The following GRK5 variants were observed in gnomAD, a reference collection of about 807,000 sequenced individuals.
GRK5 encodes the protein G protein-coupled receptor kinase 5, also known as g protein-coupled receptor kinase GRK5.
In GRK5, 40 loss-of-function variants were observed where a neutral mutation model predicts 78.4. The observed-to-expected ratio is 0.51, with a 90% confidence interval of 0.40 to 0.66. The LOEUF is 0.66. GRK5 is among the 30% of genes least tolerant of loss of function. The probability of loss-of-function intolerance (pLI) is 0.00; values close to 1 mark genes in which losing one functional copy is unlikely to be tolerated. For synonymous variants in GRK5, 289 were observed against 296.8 expected (o/e 0.97, Z 0.27); for missense variants, 598 against 759.9 (o/e 0.79, Z 2.50).
At chr10:119,451,104 C>A (rs1370181374) in intron 13 of GRK5, among the ~76,000 whole-genome samples, 1 of 96,474 alleles carries the variant, frequency 1.0e-5, no homozygotes, top group South Asian at 3.9e-4. Flanking sequence ...AGCCCCCCAC[C>A]GTCGTCCCTG....
intron 1 of GRK5, among the ~76,000 whole-genome samples, chr10:119,224,754 TCTC>T (rs1279305952): frequency 6.6e-6 from 1 of 152,154 alleles, no homozygotes; most frequent in African/African-American, 2.4e-5. Flanking sequence ...TATGGTATCT[TCTC>T]CTGCTGTGCA....
chr10:119,362,901 T>C (rs539283497), intron 2 of GRK5, among the ~76,000 whole-genome samples: 1 of 151,760 alleles, frequency 6.6e-6, no homozygotes, highest in African/African-American at 2.4e-5. Context: ...TTTAACCCCT[T>C]ATTGGCAGCC....
chr10:119,276,018 C>T (rs879605085), intron 1 of GRK5, among the ~76,000 whole-genome samples: 17 of 152,170 alleles, frequency 1.1e-4, no homozygotes, highest in African/African-American at 3.9e-4. Context: ...TGTCCTTCCT[C>T]CTCTGTTTGC....
At chr10:119,318,735 A>G (rs543250994) in intron 1 of GRK5, among the ~76,000 whole-genome samples, 1 of 152,016 alleles carries the variant, frequency 6.6e-6, no homozygotes, top group South Asian at 2.1e-4. Context: ...CCCCACAAGC[A>G]CTGCACCTCC....
chr10:119,360,904 G>A (rs1417387845), intron 2 of GRK5, among the ~76,000 whole-genome samples: 1 of 152,202 alleles, frequency 6.6e-6, no homozygotes, highest in Non-Finnish European at 1.5e-5. Flanking sequence ...TGCTTCTCTG[G>A]TGGGAAACGG....
rs369987575 is a variant in GRK5, at chr10:119,207,984, C to A, written c.52+15C>A. The A allele has an allele frequency of 1.9e-6, 3 of 1,600,822 alleles. No individual in the cohort carries two copies. The highest frequency in any genetic ancestry group is 2.7e-5 in the African/African-American group (2 of 73,058). On this transcript the variant is annotated intron_variant, in intron 1 of 15. Transcript: ENST00000392870. ...AGCCAGGGAAGGTAAGAGGCAGGGC[C>A]GGTACGTGCCCGGCGCGTCCGCCGC...
At chr10:119,293,921 C>T (rs1850030411) in intron 1 of GRK5, among the ~76,000 whole-genome samples, 1 of 152,262 alleles carries the variant, frequency 6.6e-6, no homozygotes, top group Middle Eastern at 3.4e-3. Context: ...CACTCTGTGT[C>T]TTTTCAGATG....
chr10:119,364,561 GTC>G (rs1266625207), intron 2 of GRK5, among the ~76,000 whole-genome samples: 1 of 152,106 alleles, frequency 6.6e-6, no homozygotes, highest in African/African-American at 2.4e-5. Flanking sequence ...GCAAGGAAGG[GTC>G]TCTGCCTCCC....
chr10:119,261,678 C>T (rs991217172), intron 1 of GRK5, among the ~76,000 whole-genome samples: 40 of 152,384 alleles, frequency 2.6e-4, no homozygotes, highest in African/African-American at 9.6e-4. Context: ...TGGCGGATCA[C>T]TCGCGGTTAG....
At chr10:119,442,363 G>A (rs1283024965) in intron 11 of GRK5, among the ~76,000 whole-genome samples, 1 of 152,226 alleles carries the variant, frequency 6.6e-6, no homozygotes, top group East Asian at 1.9e-4. Context: ...TAGGGGTCGG[G>A]GCCTGGCATA....
rs1406938279 is a variant in GRK5 at position 119,238,467 on chromosome 10, C to T, written c.52+30498C>T. On this transcript the variant is annotated intron_variant, in intron 1 of 15. Transcript: ENST00000392870. The surrounding 1 kb of genome is among the most constrained non-coding windows in gnomAD (Gnocchi z 4.7). ...CCTTCTTTGTTCTGATACTACACACCCCACCCCTCAACCGCCTGAGAAATT... is the reference window on the plus strand; with the variant it reads ...CCTTCTTTGTTCTGATACTACACACTCCACCCCTCAACCGCCTGAGAAATT... Among the ~76,000 whole-genome samples the T allele has an allele frequency of 6.6e-6, 1 of 152,034 alleles. No homozygotes were observed. The highest frequency in any genetic ancestry group is 1.5e-5 in the Non-Finnish European group (1 of 68,028).
intron 3 of GRK5, among the ~76,000 whole-genome samples, chr10:119,381,963 G>T (rs1477524515): frequency 6.6e-6 from 1 of 152,094 alleles, no homozygotes; most frequent in Non-Finnish European, 1.5e-5. Context: ...AGTCACAAAG[G>T]CCCCCTTAAA....
intron 8 of GRK5, 84 bp from the exon 9 acceptor site, chr10:119,436,567 C>G: frequency 1.5e-6 from 2 of 1,375,480 alleles, no homozygotes; most frequent in Non-Finnish European, 2.0e-6. Context: ...CCCTCACACC[C>G]CAGCTCCCAG....
chr10:119,418,383 G>A (rs2133878642), intron 4 of GRK5, among the ~76,000 whole-genome samples: 1 of 152,306 alleles, frequency 6.6e-6, no homozygotes, highest in East Asian at 1.9e-4. Flanking sequence ...TGCCAGAGGG[G>A]TTCTCACAGC....
In GRK5 at chr10:119,456,550, C is replaced by T. The variant is rs1243997406; in HGVS notation, c.*1483C>T. 3.3e-5 allele frequency: 5 copies of T among 152,252 alleles called. No individual in the cohort carries two copies. Among genetic ancestry groups the T allele is most frequent in the Non-Finnish European group, 5.9e-5 (4 of 68,072 alleles). 9.4% of individuals were successfully genotyped at this position (152,252 alleles called of 1,614,324 possible). ...GGGTGAACATTTGACCTCACTGTCC[C>T]CTGCCCGGCTGAGTCCCTGATGTCT... is the stretch of plus-strand genomic sequence containing the variant. On this transcript the variant is annotated 3_prime_UTR_variant, in exon 16 of 16. Coordinates refer to ENST00000392870, the MANE Select transcript of GRK5 (RefSeq NM_005308.3). This position sits in a 1 kb window ranked among gnomAD's most constrained non-coding sequence, Gnocchi z 5.5.
At chr10:119,292,422 C>T (rs914107581) in intron 1 of GRK5, among the ~76,000 whole-genome samples, 18 of 152,142 alleles carry the variant, frequency 1.2e-4, no homozygotes, top group Non-Finnish European at 1.9e-4. Context: ...CTCATTGCTT[C>T]TGGGTTGCTG....
chr10:119,378,052 CA>C lies in GRK5; in HGVS notation c.149-2762del, dbSNP rs1455797965. The C allele has an allele frequency of 6.5e-6, 1 of 154,376 alleles. No homozygotes were observed. The highest frequency in any genetic ancestry group is 1.5e-5 in the Non-Finnish European group (1 of 68,222). The allele number at this position is 154,376 out of a possible 1,614,324, so 9.6% of individuals were successfully genotyped here. ...CAGACCTGTCACAGGCCGCTGAGAC[CA>C]GGTTCCCTACTGTGGCTGATGATCA... On this transcript the variant is annotated intron_variant, in intron 2 of 15. Transcript: ENST00000392870. The surrounding 1 kb of genome is among the most constrained non-coding windows in gnomAD (Gnocchi z 4.5).
intron 1 of GRK5, among the ~76,000 whole-genome samples, chr10:119,216,924 C>T (rs1246276237): frequency 2.0e-5 from 3 of 151,720 alleles, no homozygotes; most frequent in Non-Finnish European, 4.4e-5. Context: ...GAAACTCCGT[C>T]TAAAAGGTAA....
chr10:119,423,601 C>T (rs1156306271), intron 5 of GRK5, among the ~76,000 whole-genome samples: 4 of 152,196 alleles, frequency 2.6e-5, no homozygotes, highest in Admixed American at 2.6e-4. Context: ...CGAGCCAGTG[C>T]TACTGATGCA....
Sources: allele counts gnomAD v4.1 joint callset (sites outside exome capture counted in the v4.1 genomes callset), GRCh38; gene constraint gnomAD v4.1.1; non-coding constraint Gnocchi (gnomAD v3.1); transcripts MANE v1.5; gene names NCBI Gene and HGNC (gene_info 2026-07-23, HGNC 2026-07-21).